The following TMEM178B variants were observed in gnomAD, a reference collection of about 807,000 sequenced individuals.
The protein encoded by TMEM178B is transmembrane protein 178B.
A neutral mutation model predicts 31.0 loss-of-function variants in TMEM178B; 5 were observed. That is an observed-to-expected ratio of 0.16 (90% CI 0.08 to 0.34). The LOEUF is 0.34. Among genes scored for constraint, TMEM178B ranks in the 10% least tolerant of loss-of-function variants. The probability of loss-of-function intolerance (pLI) is 1.00; values close to 1 mark genes in which losing one functional copy is unlikely to be tolerated. For missense variants in TMEM178B, 275 were observed against 400.3 expected (o/e 0.69, Z 2.67); for synonymous variants, 164 against 164.0 (o/e 1.00, Z 0.00).
chr7:141,487,689 C>T, the TMEM178B span, among the ~76,000 whole-genome samples: 2 of 133,654 alleles, frequency 1.5e-5, no homozygotes, highest in African/African-American at 5.7e-5. Flanking sequence ...TGCAGTGAGC[C>T]GAGATGGCGC....
intron 2 of TMEM178B, among the ~76,000 whole-genome samples, chr7:141,394,703 TG>T (rs1800606680): frequency 1.3e-5 from 2 of 152,218 alleles, no homozygotes; most frequent in Non-Finnish European, 2.9e-5. Flanking sequence ...TGTGGATCTA[TG>T]GTATTTTGAG....
chr7:141,355,142 CAG>C (rs1799796628), intron 2 of TMEM178B, among the ~76,000 whole-genome samples: 1 of 152,150 alleles, frequency 6.6e-6, no homozygotes, highest in South Asian at 2.1e-4. Context: ...CTTGGGAAAG[CAG>C]AGAGAGATCC....
At chr7:141,378,044 G>C (rs74444829) in intron 2 of TMEM178B, among the ~76,000 whole-genome samples, 3 of 152,172 alleles carry the variant, frequency 2.0e-5, no homozygotes, top group African/African-American at 7.2e-5. Context: ...TTTAGTCATC[G>C]TGTCTCCTTT....
intron 1 of TMEM178B, among the ~76,000 whole-genome samples, chr7:141,202,773 T>C (rs939273926): frequency 1.3e-5 from 2 of 151,972 alleles, no homozygotes; most frequent in Admixed American, 6.6e-5. Flanking sequence ...AAATAAGCTT[T>C]TGTGAAGAGT....
At chr7:141,121,628 T>A (rs569273952) in intron 1 of TMEM178B, among the ~76,000 whole-genome samples, 1 of 152,306 alleles carries the variant, frequency 6.6e-6, no homozygotes, top group South Asian at 2.1e-4. Context: ...AATGCTCTTA[T>A]TCTCTCAGTC....
At chr7:141,447,138 G>A (rs1801774658) in intron 3 of TMEM178B, among the ~76,000 whole-genome samples, 1 of 152,148 alleles carries the variant, frequency 6.6e-6, no homozygotes, top group African/African-American at 2.4e-5. Context: ...GGAAGCTTAC[G>A]TTCAAGTTGG....
intron 1 of TMEM178B, among the ~76,000 whole-genome samples, chr7:141,109,848 G>A (rs1795206172): frequency 6.6e-6 from 1 of 152,166 alleles, no homozygotes; most frequent in Non-Finnish European, 1.5e-5. Context: ...GGCATAGGCA[G>A]GAGGATTGTT....
intron 1 of TMEM178B, among the ~76,000 whole-genome samples, chr7:141,190,526 G>A (rs1460186685): frequency 6.6e-6 from 1 of 151,984 alleles, no homozygotes; most frequent in Admixed American, 6.6e-5. Context: ...GCCCAGGCTG[G>A]TCTTGAACTC....
At chr7:141,289,983 C>T (rs533394069) in intron 2 of TMEM178B, among the ~76,000 whole-genome samples, 6 of 152,090 alleles carry the variant, frequency 3.9e-5, no homozygotes, top group South Asian at 4.2e-4. Context: ...CTCTCCTCCC[C>T]GCAACAAAAA....
intron 2 of TMEM178B, among the ~76,000 whole-genome samples, chr7:141,356,572 C>A (rs1264330903): frequency 7.8e-6 from 1 of 128,794 alleles, no homozygotes; most frequent in Non-Finnish European, 1.6e-5. Context: ...GGTTATTTGT[C>A]TTTTTGCTTG....
At chr7:141,417,986 T>C (rs1001160319) in intron 2 of TMEM178B, among the ~76,000 whole-genome samples, 1 of 152,138 alleles carries the variant, frequency 6.6e-6, no homozygotes, top group Non-Finnish European at 1.5e-5. Context: ...CGCTGAACTC[T>C]GCTGTCCACG....
intron 2 of TMEM178B, among the ~76,000 whole-genome samples, chr7:141,279,408 A>G (rs981847070): frequency 6.6e-6 from 1 of 152,236 alleles, no homozygotes; most frequent in Non-Finnish European, 1.5e-5. Context: ...CAAAGTAATA[A>G]GCTGGCACTC....
intron 1 of TMEM178B, among the ~76,000 whole-genome samples, chr7:141,169,664 A>C (rs1420627827): frequency 1.3e-5 from 2 of 152,238 alleles, no homozygotes; most frequent in Non-Finnish European, 2.9e-5. Context: ...AATCACTTGC[A>C]GAAAACTCTG....
At chr7:141,443,161 A>T (rs1801692602) in intron 3 of TMEM178B, among the ~76,000 whole-genome samples, 1 of 152,214 alleles carries the variant, frequency 6.6e-6, no homozygotes, top group Non-Finnish European at 1.5e-5. Flanking sequence ...ATTTACAGAA[A>T]AATTGAGCAG....
chr7:141,193,976 C>T (rs556258184), intron 1 of TMEM178B, among the ~76,000 whole-genome samples: 1 of 152,154 alleles, frequency 6.6e-6, no homozygotes, highest in South Asian at 2.1e-4. Context: ...AAAGCAGAAC[C>T]CCCTGATAAA....
rs150605116 is a variant in TMEM178B, at chr7:141,383,144, T to TTTTC, written c.497-54444_497-54441dup. 2.1e-4 allele frequency among the ~76,000 whole-genome samples: 30 copies of TTTTC among 145,368 alleles called. No homozygotes were observed. The South Asian group carries it at 2.1e-3, about 10-fold the overall frequency. ...ATTGCTGCTTTTAGCATTGCTTTTA[T>TTTTC]TTTCTTTCTTTCTTTCTTTCTTTTT... On this transcript the variant is annotated intron_variant, in intron 2 of 3. Transcript: ENST00000565468.
intron 1 of TMEM178B, among the ~76,000 whole-genome samples, chr7:141,158,460 T>C (rs910331674): frequency 3.9e-5 from 6 of 152,336 alleles, no homozygotes; most frequent in African/African-American, 7.2e-5. Context: ...GTCTGATCAA[T>C]GTCTGTATCC....
At chr7:141,469,184 A>G (rs1304785268) in intron 3 of TMEM178B, among the ~76,000 whole-genome samples, 1 of 152,240 alleles carries the variant, frequency 6.6e-6, no homozygotes, top group African/African-American at 2.4e-5. Context: ...ATTTGCTCAA[A>G]GAAATGATTT....
At chr7:141,299,543 G>A (rs1798689226) in intron 2 of TMEM178B, among the ~76,000 whole-genome samples, 1 of 152,070 alleles carries the variant, frequency 6.6e-6, no homozygotes, top group African/African-American at 2.4e-5. Context: ...GGCCAGGCCT[G>A]CCTCCTTCCT....
Sources: gnomAD v4.1 joint callset for allele counts (sites outside exome capture counted in the v4.1 genomes callset) on GRCh38, gnomAD v4.1.1 for gene constraint, MANE v1.5 for transcripts, NCBI Gene and HGNC (gene_info 2026-07-23, HGNC 2026-07-21) for gene names.